Variants in ME3 observed in about 807,000 individuals in gnomAD.
ME3 encodes malic enzyme 3.
In ME3, 48 loss-of-function variants were observed where a neutral mutation model predicts 68.9. That is an observed-to-expected ratio of 0.70 (90% CI 0.55 to 0.89). ME3 has a LOEUF of 0.89. Among genes scored for constraint, ME3 ranks in the 40% least tolerant of loss-of-function variants. The pLI, the probability that ME3 is intolerant of heterozygous loss-of-function variation, is 0.00. For synonymous variants in ME3, 320 were observed against 318.8 expected (o/e 1.00, Z -0.04); for missense variants, 675 against 797.4 (o/e 0.85, Z 1.85).
At chr11:86,499,660 TG>T (rs1166178050) in intron 5 of ME3, among the ~76,000 whole-genome samples, 2 of 152,214 alleles carry the variant, frequency 1.3e-5, no homozygotes, top group East Asian at 3.8e-4. Flanking sequence ...AACATTCCTC[TG>T]CTTCTGGAAA....
chr11:86,633,430 T>C (rs1471401940), intron 2 of ME3, among the ~76,000 whole-genome samples: 1 of 152,192 alleles, frequency 6.6e-6, no homozygotes, highest in African/African-American at 2.4e-5. Flanking sequence ...AAAGTCAGAA[T>C]CTGAACCCAG....
At chr11:86,462,402 TTAG>T (rs1309074983) in intron 8 of ME3, among the ~76,000 whole-genome samples, 3 of 152,228 alleles carry the variant, frequency 2.0e-5, no homozygotes, top group Non-Finnish European at 4.4e-5. Context: ...CAGTAGGCTA[TTAG>T]TAGCTAAGTT....
At chr11:86,557,488 T>C (rs578003217) in intron 3 of ME3, among the ~76,000 whole-genome samples, 1 of 152,306 alleles carries the variant, frequency 6.6e-6, no homozygotes, top group South Asian at 2.1e-4. Flanking sequence ...AGAAATTTTC[T>C]AACAGGGGTA....
intron 4 of ME3, among the ~76,000 whole-genome samples, chr11:86,546,413 C>G (rs976007785): frequency 1.3e-5 from 2 of 152,250 alleles, no homozygotes; most frequent in South Asian, 4.2e-4. Flanking sequence ...GCAATCTATC[C>G]ATCTGACAAA....
chr11:86,665,464 G>A (rs1280703239), intron 2 of ME3, among the ~76,000 whole-genome samples: 2 of 152,146 alleles, frequency 1.3e-5, no homozygotes, highest in Non-Finnish European at 2.9e-5. Context: ...GTCTGGGTAG[G>A]AGCACAACTG....
At chr11:86,542,949 G>A (rs1956137201) in intron 4 of ME3, among the ~76,000 whole-genome samples, 1 of 152,186 alleles carries the variant, frequency 6.6e-6, no homozygotes, top group African/African-American at 2.4e-5. Flanking sequence ...GACTAACAGA[G>A]GATCTTTCTG....
intron 2 of ME3, among the ~76,000 whole-genome samples, chr11:86,607,082 T>G (rs916789514): frequency 6.6e-6 from 1 of 152,200 alleles, no homozygotes; most frequent in African/African-American, 2.4e-5. Flanking sequence ...TTGATCTGGA[T>G]AGAGGTACAG....
chr11:86,610,973 C>T (rs902056255), intron 2 of ME3, among the ~76,000 whole-genome samples: 2 of 152,174 alleles, frequency 1.3e-5, no homozygotes, highest in East Asian at 1.9e-4. Flanking sequence ...CAGTCTCAAA[C>T]TCCAGATATC....
chr11:86,482,781 A>G (rs980086906), intron 7 of ME3, among the ~76,000 whole-genome samples: 8 of 151,946 alleles, frequency 5.3e-5, no homozygotes, highest in Non-Finnish European at 8.8e-5. Flanking sequence ...CTAAGACTCA[A>G]TGGAAAAACA....
At chr11:86,512,561 G>A (rs1953615523) in intron 4 of ME3, among the ~76,000 whole-genome samples, 1 of 152,204 alleles carries the variant, frequency 6.6e-6, no homozygotes, top group Non-Finnish European at 1.5e-5. Context: ...GAATAAAGCT[G>A]GAAGAGAGTT....
intron 8 of ME3, among the ~76,000 whole-genome samples, chr11:86,453,458 C>G (rs1008581337): frequency 3.3e-5 from 5 of 152,176 alleles, no homozygotes; most frequent in African/African-American, 7.2e-5. Flanking sequence ...CCAACTTGCT[C>G]TATGCTGGGC....
intron 7 of ME3, among the ~76,000 whole-genome samples, chr11:86,483,228 G>T (rs1180524937): frequency 6.6e-6 from 1 of 152,216 alleles, no homozygotes; most frequent in African/African-American, 2.4e-5. Flanking sequence ...GTAGAAACAA[G>T]TGGGATGAGT....
intron 2 of ME3, among the ~76,000 whole-genome samples, chr11:86,619,198 C>T (rs1016514753): frequency 6.6e-6 from 1 of 152,190 alleles, no homozygotes; most frequent in African/African-American, 2.4e-5. Context: ...GCCAATTAAA[C>T]CTCTTTTCTC....
chr11:86,519,271 A>G (rs1954097726), intron 4 of ME3, among the ~76,000 whole-genome samples: 1 of 152,242 alleles, frequency 6.6e-6, no homozygotes, highest in Admixed American at 6.5e-5. Flanking sequence ...TTACATCACT[A>G]TCTTCAGTTT....
intron 2 of ME3, among the ~76,000 whole-genome samples, chr11:86,625,439 A>G (rs1197089515): frequency 2.0e-5 from 3 of 152,104 alleles, no homozygotes; most frequent in Non-Finnish European, 4.4e-5. Context: ...GGAACCTCCC[A>G]TATCACCAGC....
intron 2 of ME3, among the ~76,000 whole-genome samples, chr11:86,634,453 A>G (rs755037218): frequency 5.9e-5 from 9 of 152,200 alleles, no homozygotes; most frequent in Non-Finnish European, 1.3e-4. Context: ...TTCTTAGCTC[A>G]TAATCAGATC....
Position 86,497,916 on chromosome 11 carries a change from G to T in ME3, c.705+47C>A, listed in dbSNP as rs1555214109. On this transcript the variant is annotated intron_variant, in intron 6 of 14. Coordinates refer to ENST00000543262, the Ensembl canonical transcript of ME3. ...CAAACATGCTCCTCACCCTGTCCCA[G>T]TTGCCACCTTTTGGCCCCAGAGCTC... 1.4e-5 allele frequency: 21 copies of T among 1,537,066 alleles called. No individual in the cohort carries two copies. The Middle Eastern group carries it at 5.3e-4, about 39-fold the overall frequency.
chr11:86,598,253 G>A (rs971510126), intron 2 of ME3, among the ~76,000 whole-genome samples: 2 of 152,224 alleles, frequency 1.3e-5, no homozygotes, highest in Admixed American at 6.5e-5. Context: ...CCCGAATACT[G>A]CGCTTTTCCG....
At chr11:86,571,080 T>C (rs760676011) in intron 2 of ME3, among the ~76,000 whole-genome samples, 1 of 152,242 alleles carries the variant, frequency 6.6e-6, no homozygotes, top group South Asian at 2.1e-4. Flanking sequence ...TAAATCTTTT[T>C]AGGTTAAGGG....
Sources: allele counts gnomAD v4.1 joint callset (sites outside exome capture counted in the v4.1 genomes callset), GRCh38; gene constraint gnomAD v4.1.1; transcripts MANE v1.5; gene names NCBI Gene and HGNC (gene_info 2026-07-23, HGNC 2026-07-21).